The following GPHN variants were observed in gnomAD, a reference collection of about 807,000 sequenced individuals.
GPHN encodes gephyrin.
A neutral mutation model predicts 95.5 loss-of-function variants in GPHN; 17 were observed. The observed-to-expected ratio is 0.18, with a 90% CI of 0.12 to 0.27. The LOEUF is 0.27. Ranked by LOEUF, GPHN falls within the 10% of genes least tolerant of loss-of-function variation. The pLI is 1.00. For synonymous variants in GPHN, 320 were observed against 322.5 expected, an observed-to-expected ratio of 0.99 and a Z score of 0.08; for missense variants, 660 against 978.1, an observed-to-expected ratio of 0.67 and a Z score of 4.34.
At chr14:66,666,515 A>G (rs143376103) in intron 1 of GPHN, among the ~76,000 whole-genome samples, 23 of 152,264 alleles carry the variant, frequency 1.5e-4, no homozygotes, top group African/African-American at 5.5e-4. Flanking sequence ...ACATAAACAG[A>G]ACTAAAGACC....
At chr14:67,417,452 G>C in the GPHN span, among the ~76,000 whole-genome samples, 2 of 152,120 alleles carry the variant, frequency 1.3e-5, no homozygotes. Flanking sequence ...TTATTTTTGA[G>C]ACAGGTTCTT....
chr14:67,646,434 G>A, the GPHN span: 1 of 528,762 alleles, frequency 1.9e-6, no homozygotes, highest in Non-Finnish European at 3.4e-6. Context: ...TTCGTCTTGA[G>A]AAAGCAATAC....
At chr14:67,274,874 C>A in the GPHN span, among the ~76,000 whole-genome samples, 1 of 152,112 alleles carries the variant, frequency 6.6e-6, no homozygotes, top group South Asian at 2.1e-4. Context: ...ATTTTATTCT[C>A]TTTGTAGCAA....
chr14:67,272,714 A>G, the GPHN span, among the ~76,000 whole-genome samples: 1 of 152,182 alleles, frequency 6.6e-6, no homozygotes. Flanking sequence ...GCTGGAGCGC[A>G]GTGGCACGAT....
the GPHN span, among the ~76,000 whole-genome samples, chr14:67,206,114 G>C: frequency 6.6e-6 from 1 of 152,118 alleles, no homozygotes; most frequent in Non-Finnish European, 1.5e-5. Flanking sequence ...ACCCTTGGAG[G>C]CAGAAGGTGC....
intron 1 of GPHN, among the ~76,000 whole-genome samples, chr14:66,515,825 A>G (rs1035359989): frequency 6.6e-6 from 1 of 152,240 alleles, no homozygotes; most frequent in South Asian, 2.1e-4. Flanking sequence ...AGACAGTTCA[A>G]TCTTTCTTGT....
chr14:66,751,841 G>A (rs79337116), intron 2 of GPHN, among the ~76,000 whole-genome samples: 1,653 of 152,130 alleles, frequency 0.011, 24 homozygotes, highest in African/African-American at 0.037. Flanking sequence ...TTGAAGCCAG[G>A]CATTGACTTT....
the GPHN span, chr14:67,677,256 A>G: frequency 2.0e-5 from 3 of 152,100 alleles, no homozygotes; most frequent in African/African-American, 7.2e-5. Flanking sequence ...AAGACAATGT[A>G]AGGAAATGCC....
chr14:67,240,047 G>A, the GPHN span, among the ~76,000 whole-genome samples: 1 of 152,128 alleles, frequency 6.6e-6, no homozygotes, highest in South Asian at 2.1e-4. Flanking sequence ...CGGTTGTGTC[G>A]TCCACCTGTA....
chr14:67,600,254 G>T, the GPHN span: 12 of 1,443,522 alleles, frequency 8.3e-6, no homozygotes, highest in Admixed American at 2.4e-5. Context: ...TGCGCTCGCC[G>T]GCCCTGGCCG....
At chr14:66,828,257 A>G (rs1158785086) in intron 4 of GPHN, among the ~76,000 whole-genome samples, 2 of 152,030 alleles carry the variant, frequency 1.3e-5, no homozygotes, top group African/African-American at 4.8e-5. Context: ...AAATCAATAT[A>G]GGCCCACTAA....
chr14:67,113,800 A>G (rs2078516972), intron 16 of GPHN, among the ~76,000 whole-genome samples: 1 of 152,096 alleles, frequency 6.6e-6, no homozygotes, highest in African/African-American at 2.4e-5. Flanking sequence ...AAAACTTCCT[A>G]TTGCTTGTTT....
At chr14:67,439,007 C>T in the GPHN span, among the ~76,000 whole-genome samples, 2 of 152,194 alleles carry the variant, frequency 1.3e-5, no homozygotes, top group Admixed American at 1.3e-4. Flanking sequence ...GGCATCAGTT[C>T]CTAAAGCAAG....
chr14:66,762,590 G>T (rs1405167995), intron 2 of GPHN, among the ~76,000 whole-genome samples: 1 of 150,870 alleles, frequency 6.6e-6, no homozygotes, highest in Non-Finnish European at 1.5e-5. Flanking sequence ...TGGGCTCTGG[G>T]ATGACATTGT....
the GPHN span, chr14:67,592,054 A>C: frequency 6.4e-6 from 1 of 156,874 alleles, no homozygotes; most frequent in Non-Finnish European, 1.4e-5. Context: ...TATCTAAAAA[A>C]AGTGTACAGT....
At chr14:66,853,675 G>A (rs1196567634) in intron 4 of GPHN, among the ~76,000 whole-genome samples, 1 of 152,176 alleles carries the variant, frequency 6.6e-6, no homozygotes, top group Non-Finnish European at 1.5e-5. Context: ...CCCCGCCCAG[G>A]GCACAAGGGG....
the GPHN span, chr14:67,571,696 T>TG: frequency 6.3e-7 from 1 of 1,578,634 alleles, no homozygotes; most frequent in Non-Finnish European, 8.7e-7. Context: ...GCTGCAGGGT[T>TG]GGGAGAGGAC....
the GPHN span, chr14:67,279,584 TCTGTG>T: frequency 2.7e-6 from 4 of 1,482,714 alleles, no homozygotes; most frequent in Non-Finnish European, 3.6e-6. Context: ...CTTTAATTTA[TCTGTG>T]CCTTATAATG....
chr14:67,157,060 C>T (rs1403641748), intron 18 of GPHN, among the ~76,000 whole-genome samples: 1 of 151,052 alleles, frequency 6.6e-6, no homozygotes, highest in Non-Finnish European at 1.5e-5. Context: ...AAAAAAACAG[C>T]TAATCATATG....
Sources: allele counts gnomAD v4.1 joint callset (sites outside exome capture counted in the v4.1 genomes callset), GRCh38; gene constraint gnomAD v4.1.1; transcripts MANE v1.5; gene names NCBI Gene and HGNC (gene_info 2026-07-23, HGNC 2026-07-21).